The following KCNMA1 variants were observed in gnomAD, a reference collection of about 807,000 sequenced individuals.
KCNMA1 encodes Calcium-activated potassium channel subunit alpha-1.
A neutral mutation model predicts 140.0 loss-of-function variants in KCNMA1; 29 were observed. That is an observed-to-expected ratio of 0.21 (90% CI 0.15 to 0.28). The LOEUF is 0.28. KCNMA1 is among the 10% of genes least tolerant of loss of function. The pLI, the probability that KCNMA1 is intolerant of heterozygous loss-of-function variation, is 1.00. For missense variants in KCNMA1, 880 were observed against 1,602.2 expected, an observed-to-expected ratio of 0.55 and a Z score of 7.70; for synonymous variants, 612 against 611.9, an observed-to-expected ratio of 1.00 and a Z score of 0.00.
In KCNMA1 at chr10:76,974,662, A is replaced by G. The variant is rs941287129; in HGVS notation, c.2267-4595T>C. ...GTTCCAAACAATTTTAACATTGAAT[A>G]GCTTTGAATCAAACTGGAAGTTTCT... On this transcript the variant is annotated intron_variant, in intron 19 of 27. Coordinates refer to ENST00000286628, the MANE Select transcript of KCNMA1 (RefSeq NM_001161352.2). The G allele has an allele frequency of 1.1e-5, 10 of 888,350 alleles. No homozygotes were observed. In the African/African-American group the frequency reaches 1.2e-4, roughly 10 times the overall value. 55.0% of individuals were successfully genotyped at this position (888,350 alleles called of 1,614,324 possible).
intron 1 of KCNMA1, among the ~76,000 whole-genome samples, chr10:77,484,192 G>A (rs1464020406): frequency 6.6e-6 from 1 of 152,212 alleles, no homozygotes; most frequent in Non-Finnish European, 1.5e-5. Context: ...GAGCTCTCTA[G>A]AAACTTCTCC....
intron 22 of KCNMA1, among the ~76,000 whole-genome samples, chr10:76,945,406 C>T (rs1047481473): frequency 6.6e-6 from 1 of 152,084 alleles, no homozygotes; most frequent in African/African-American, 2.4e-5. Context: ...ACTTCTGTCT[C>T]AGGCAAAAGA....
At chr10:77,636,321 G>C in intron 1 of KCNMA1, 2 of 1,518,054 alleles carry the variant, frequency 1.3e-6, no homozygotes, top group Non-Finnish European at 1.8e-6. Flanking sequence ...CAGGCAGTGA[G>C]CCTAGCAACC....
chr10:77,413,480 A>G (rs1424819100), intron 1 of KCNMA1, among the ~76,000 whole-genome samples: 1 of 152,162 alleles, frequency 6.6e-6, no homozygotes, highest in African/African-American at 2.4e-5. Flanking sequence ...GGTATTAGGC[A>G]GATTACCCAA....
At chr10:77,575,300 A>G (rs2073661635) in intron 1 of KCNMA1, among the ~76,000 whole-genome samples, 1 of 152,204 alleles carries the variant, frequency 6.6e-6, no homozygotes, top group South Asian at 2.1e-4. Flanking sequence ...GAGGCTGGGA[A>G]GCACAAGAGG....
intron 18 of KCNMA1, among the ~76,000 whole-genome samples, chr10:77,011,054 C>T (rs1163012879): frequency 6.6e-6 from 1 of 151,916 alleles, no homozygotes; most frequent in Non-Finnish European, 1.5e-5. Flanking sequence ...ACACCCCTGC[C>T]AATTACATGG....
chr10:77,405,684 A>T lies in KCNMA1; in HGVS notation c.379-1661T>A, dbSNP rs549026827. Among the ~76,000 whole-genome samples, 3 of 152,392 alleles carry T rather than the reference A, an allele frequency of 2.0e-5. No homozygotes were observed. In the South Asian group the frequency reaches 6.2e-4, roughly 32 times the overall value. On this transcript the variant is annotated intron_variant, in intron 1 of 27. Transcript: ENST00000286628. ...ACTGCAGATGAAGATGTTTAAAAAG[A>T]TGCCAGCAAATTATGTTCATCATTT...
At chr10:77,266,704 C>T (rs534816549) in intron 2 of KCNMA1, among the ~76,000 whole-genome samples, 1 of 152,256 alleles carries the variant, frequency 6.6e-6, no homozygotes, top group African/African-American at 2.4e-5. Flanking sequence ...TCTTGAAAGA[C>T]CCCAAGGATG....
chr10:77,367,961 T>C (rs2094465585), intron 2 of KCNMA1, among the ~76,000 whole-genome samples: 1 of 152,244 alleles, frequency 6.6e-6, no homozygotes, highest in Non-Finnish European at 1.5e-5. Context: ...ACTGAGATTC[T>C]TCCTAGTTTT....
chr10:77,555,062 A>ACACACACACACACACACACACACG (rs537653183), intron 1 of KCNMA1, among the ~76,000 whole-genome samples: 4 of 151,898 alleles, frequency 2.6e-5, no homozygotes, highest in African/African-American at 9.7e-5. Context: ...CCACATACAC[A>ACACACACACACACACACACACACG]CACGCACGCA....
chr10:77,091,874 T>C (rs2096827144), intron 9 of KCNMA1: 1 of 152,218 alleles, frequency 6.6e-6, no homozygotes. Context: ...CTTGACTAAG[T>C]ATGTGAGAAT....
At chr10:77,197,102 T>C (rs1434098209) in intron 3 of KCNMA1, among the ~76,000 whole-genome samples, 1 of 152,236 alleles carries the variant, frequency 6.6e-6, no homozygotes, top group Non-Finnish European at 1.5e-5. Context: ...AGTGCCAACA[T>C]GCTTTAACAA....
chr10:76,915,443 T>C (rs1428460458), intron 23 of KCNMA1, among the ~76,000 whole-genome samples: 1 of 152,050 alleles, frequency 6.6e-6, no homozygotes, highest in Non-Finnish European at 1.5e-5. Flanking sequence ...TCACTGCTGG[T>C]TCAGGTATTG....
intron 1 of KCNMA1, among the ~76,000 whole-genome samples, chr10:77,509,113 G>A (rs1468813726): frequency 8.2e-6 from 1 of 121,816 alleles, no homozygotes; most frequent in African/African-American, 3.6e-5. Context: ...TGTTGTTGTT[G>A]TTGTTGTTGT....
chr10:77,215,366 C>CTTGTTTTGTTTTGTT (rs1253170653), intron 3 of KCNMA1, among the ~76,000 whole-genome samples: 33 of 112,536 alleles, frequency 2.9e-4, no homozygotes, highest in African/African-American at 1.1e-3. Flanking sequence ...ACAGATTGCA[C>CTTGTTTTGTTTTGTT]CTGTTTTGTT....
intron 1 of KCNMA1, among the ~76,000 whole-genome samples, chr10:77,518,098 T>C (rs879571574): frequency 6.6e-6 from 1 of 152,142 alleles, no homozygotes; most frequent in Non-Finnish European, 1.5e-5. Flanking sequence ...TAGTTTCCTT[T>C]TCCAGGCAAG....
intron 2 of KCNMA1, among the ~76,000 whole-genome samples, chr10:77,254,954 G>C (rs2060424595): frequency 6.6e-6 from 1 of 152,116 alleles, no homozygotes; most frequent in African/African-American, 2.4e-5. Flanking sequence ...CCCACACAAG[G>C]GCTTGGGGGC....
intron 25 of KCNMA1, among the ~76,000 whole-genome samples, chr10:76,896,603 T>G (rs994145281): frequency 6.6e-6 from 1 of 152,196 alleles, no homozygotes; most frequent in African/African-American, 2.4e-5. Context: ...ATAATTTATG[T>G]TCTTCTGCCA....
rs147011910 is a variant in KCNMA1, at chr10:77,134,478, T to C, written c.809-13430A>G. 6.6e-5 allele frequency among the ~76,000 whole-genome samples: 10 copies of C among 151,676 alleles called. No homozygotes were observed. The East Asian group carries it at 1.9e-3, about 29-fold the overall frequency. On this transcript the variant is annotated intron_variant, in intron 5 of 27. Transcript: ENST00000286628. ...CTATTTTATCTTAACTTGGTTCAAA[T>C]AAAAAAAATGTGCACCATATACAAA...
Sources: gnomAD v4.1 joint callset for allele counts (sites outside exome capture counted in the v4.1 genomes callset) on GRCh38, gnomAD v4.1.1 for gene constraint, MANE v1.5 for transcripts, NCBI Gene and HGNC (gene_info 2026-07-23, HGNC 2026-07-21) for gene names.